The following PCDHGA3 variants were observed in gnomAD, a reference collection of about 807,000 sequenced individuals.
PCDHGA3 encodes protocadherin gamma-A3.
Under a neutral mutation model 58.5 loss-of-function variants are expected in PCDHGA3, and 40 were observed. That is an observed-to-expected ratio of 0.68 (90% CI 0.53 to 0.89). PCDHGA3 has a LOEUF of 0.89. Among genes scored for constraint, PCDHGA3 ranks in the 40% least tolerant of loss-of-function variants. The probability of loss-of-function intolerance (pLI) is 0.00; values close to 1 mark genes in which losing one functional copy is unlikely to be tolerated. For synonymous variants in PCDHGA3, 530 were observed against 525.7 expected (o/e 1.01, Z -0.11); for missense variants, 1,223 against 1,195.9 (o/e 1.02, Z -0.33).
chr5:141,430,885 C>G, intron 1 of PCDHGA3: 1 of 1,605,218 alleles, frequency 6.2e-7, no homozygotes, highest in Non-Finnish European at 8.5e-7. Context: ...TGGAGAAAGG[C>G]TCTAGGGTGG....
chr5:141,479,616 C>A (rs1371541860), intron 1 of PCDHGA3: 2 of 152,232 alleles, frequency 1.3e-5, no homozygotes, highest in African/African-American at 4.8e-5. Flanking sequence ...TATAGGGAAA[C>A]CATGTCTCTT....
intron 1 of PCDHGA3, chr5:141,426,713 AC>A: frequency 2.2e-6 from 1 of 445,196 alleles, no homozygotes; most frequent in Middle Eastern, 3.3e-4. Flanking sequence ...AAATCAATGA[AC>A]TAGCAATTCC....
intron 1 of PCDHGA3, chr5:141,408,126 C>T: frequency 1.5e-5 from 22 of 1,479,600 alleles, no homozygotes; most frequent in Non-Finnish European, 1.6e-5. Flanking sequence ...TGTCCTGGGC[C>T]GAATGCTCTT....
At chr5:141,433,045 C>T (rs1183696623) in intron 1 of PCDHGA3, 1 of 1,614,196 alleles carries the variant, frequency 6.2e-7, no homozygotes, top group South Asian at 1.1e-5. Flanking sequence ...TCACCACGGA[C>T]TCGCGGAAGA....
At chr5:141,386,383 A>C (rs980668572) in intron 1 of PCDHGA3, among the ~76,000 whole-genome samples, 5 of 152,206 alleles carry the variant, frequency 3.3e-5, no homozygotes, top group Admixed American at 2.6e-4. Context: ...GTATTAATTA[A>C]AAACACACTT....
intron 1 of PCDHGA3, chr5:141,355,505 G>T: frequency 6.2e-7 from 1 of 1,614,044 alleles, no homozygotes; most frequent in Non-Finnish European, 8.5e-7. Flanking sequence ...TCTCCAAACT[G>T]TGTGACAAAC....
intron 1 of PCDHGA3, among the ~76,000 whole-genome samples, chr5:141,346,916 A>C (rs935999484): frequency 6.6e-6 from 1 of 152,388 alleles, no homozygotes; most frequent in East Asian, 1.9e-4. Context: ...GTAAAAATAC[A>C]TATGAATAAA....
intron 1 of PCDHGA3, among the ~76,000 whole-genome samples, chr5:141,464,436 TTTG>T (rs1043492514): frequency 1.1e-4 from 17 of 151,396 alleles, no homozygotes; most frequent in Non-Finnish European, 1.9e-4. Flanking sequence ...GATATATATG[TTTG>T]TTGTTGTTGT....
Position 141,487,623 on chromosome 5 carries a change from CT to C in PCDHGA3, c.2425-7181del. 1 of 1,614,206 alleles carries C rather than the reference CT, an allele frequency of 6.2e-7. No homozygotes were observed. Among genetic ancestry groups the C allele is most frequent in the Non-Finnish European group, 8.5e-7 (1 of 1,180,044 alleles). On this transcript the variant is annotated intron_variant, in intron 1 of 3. Transcript: ENST00000253812. This position sits in a 1 kb window ranked among gnomAD's most constrained non-coding sequence, Gnocchi z 5.0. ...CTTCTCTATGGGCTAGAGGTGAGAC[CT>C]TTGCAGGCTCAACAAATGCTTGAGG...
intron 1 of PCDHGA3, 111 bp downstream of exon 1, chr5:141,346,568 C>A: frequency 7.0e-7 from 1 of 1,430,724 alleles, no homozygotes; most frequent in South Asian, 1.4e-5. Flanking sequence ...GTCATTAGTC[C>A]TTTGACTAAA....
At chr5:141,429,726 C>T (rs931967000) in intron 1 of PCDHGA3, among the ~76,000 whole-genome samples, 23 of 152,068 alleles carry the variant, frequency 1.5e-4, no homozygotes, top group Admixed American at 1.3e-4. Flanking sequence ...CATGAAAGTA[C>T]GTAGCCAGTT....
chr5:141,471,630 G>T (rs2099261496), intron 1 of PCDHGA3: 1 of 152,108 alleles, frequency 6.6e-6, no homozygotes, highest in African/African-American at 2.4e-5. Context: ...GCATTGGTAT[G>T]GATTAGTAAT....
chr5:141,375,443 C>T, intron 1 of PCDHGA3: 2 of 1,614,022 alleles, frequency 1.2e-6, no homozygotes, highest in African/African-American at 1.3e-5. Flanking sequence ...CACCTTCCCC[C>T]ATTCATCCTA....
intron 1 of PCDHGA3, chr5:141,352,085 G>C (rs774653294): frequency 5.6e-6 from 9 of 1,604,744 alleles, no homozygotes. Flanking sequence ...GCAGGCCAGC[G>C]AGCCCGGGCT....
chr5:141,355,722 A>T, intron 1 of PCDHGA3: 1 of 1,614,040 alleles, frequency 6.2e-7, no homozygotes, highest in Non-Finnish European at 8.5e-7. Context: ...AGCTCAACTC[A>T]AACGGTTACT....
At position 141,489,749 on chromosome 5, in the gene PCDHGA3, AC is replaced by A; in HGVS notation, c.2425-5057del. ...GTGGGCACCAATACTGTGAGCTTTT[AC>A]ACTCTAAGCCCCAACAGCCACTTCT... is the stretch of plus-strand genomic sequence containing the variant. On this transcript the variant is annotated intron_variant, in intron 1 of 3. Transcript: ENST00000253812. The surrounding 1 kb of genome is among the most constrained non-coding windows in gnomAD (Gnocchi z 4.5). 6.2e-7 allele frequency: 1 copy of A among 1,614,126 alleles called. No individual in the cohort carries two copies. Among genetic ancestry groups the A allele is most frequent in the Non-Finnish European group, 8.5e-7 (1 of 1,180,002 alleles).
At chr5:141,408,894 C>A (rs778126197) in intron 1 of PCDHGA3, 1 of 1,613,304 alleles carries the variant, frequency 6.2e-7, no homozygotes, top group East Asian at 2.2e-5. Flanking sequence ...ATAGAAATTT[C>A]TGTCAAGGAT....
At position 141,490,207 on chromosome 5, in the gene PCDHGA3, C is replaced by T. The variant is rs142098675; in HGVS notation, c.2425-4600C>T. On this transcript the variant is annotated intron_variant, in intron 1 of 3. Transcript: ENST00000253812. This position sits in a 1 kb window ranked among gnomAD's most constrained non-coding sequence, Gnocchi z 5.4. ...TTTCTATGAAATTCATGCAAGAGCC[C>T]GTGACCAGGGACAGCCTGCCATGGA... 41 of 1,614,056 alleles carry T rather than the reference C, an allele frequency of 2.5e-5. No homozygotes were observed. The highest frequency in any genetic ancestry group is 3.3e-4 in the Middle Eastern group (2 of 6,084).
intron 1 of PCDHGA3, chr5:141,408,084 G>A (rs564149257): frequency 7.5e-5 from 106 of 1,418,874 alleles, no homozygotes; most frequent in Middle Eastern, 2.5e-4. Context: ...CCAGCACAGC[G>A]GATTGCCAGC....
Sources: gnomAD v4.1 joint callset for allele counts (sites outside exome capture counted in the v4.1 genomes callset) on GRCh38, gnomAD v4.1.1 for gene constraint, Gnocchi (gnomAD v3.1) non-coding constraint, MANE v1.5 for transcripts, NCBI Gene and HGNC (gene_info 2026-07-23, HGNC 2026-07-21) for gene names.